FAM53B: variants seen among roughly 807,000 people sequenced by gnomAD.
FAM53B encodes family with sequence similarity 53 member B.
FAM53B carries 12 observed loss-of-function variants against 32.7 expected under a neutral mutation model. The ratio of observed to expected loss-of-function variants is 0.37; its 90% CI spans 0.24 to 0.59. FAM53B has a LOEUF of 0.59. Ranked by LOEUF, FAM53B falls within the 20% of genes least tolerant of loss-of-function variation. The pLI is 0.72. For missense variants in FAM53B, 477 were observed against 577.7 expected, an observed-to-expected ratio of 0.83 and a Z score of 1.79; for synonymous variants, 234 against 228.7, an observed-to-expected ratio of 1.02 and a Z score of -0.21.
intron 3 of FAM53B, among the ~76,000 whole-genome samples, chr10:124,693,655 T>C (rs1384160386): frequency 6.6e-6 from 1 of 152,004 alleles, no homozygotes; most frequent in South Asian, 2.1e-4. Flanking sequence ...AGGAAAGGGA[T>C]AGAGGTGGGA....
rs34335631 is a variant in FAM53B, at chr10:124,682,577, TG to T, written c.134-199del. 6.6e-6 allele frequency among the ~76,000 whole-genome samples: 1 copy of T among 152,144 alleles called. No homozygotes were observed. The highest frequency in any genetic ancestry group is 1.5e-5 in the Non-Finnish European group (1 of 68,012). ...AGAAGTGAATCCCAAGGCTTTGAGT[TG>T]GAAGTTGGAAGCAGAGCAGGGCCTA... On this transcript the variant is annotated intron_variant, in intron 3 of 4. Transcript: ENST00000337318. This position sits in a 1 kb window ranked among gnomAD's most constrained non-coding sequence, Gnocchi z 5.2.
At position 124,623,121 on chromosome 10, in the gene FAM53B, C is replaced by G; in HGVS notation, c.*121G>C. 7.5e-7 allele frequency: 1 copy of G among 1,331,832 alleles called. No individual in the cohort carries two copies. Among genetic ancestry groups the G allele is most frequent in the Non-Finnish European group, 1.0e-6 (1 of 982,332 alleles). The allele number at this position is 1,331,832 out of a possible 1,614,324, so 82.5% of individuals were successfully genotyped here. Reference sequence around the variant, plus strand: ...GGTGGGCTCCCTCTCTGGGACCCGACACCACTCAGGAAGCTTTCATCAGGC... The same window carrying G: ...GGTGGGCTCCCTCTCTGGGACCCGAGACCACTCAGGAAGCTTTCATCAGGC... On this transcript the variant is annotated 3_prime_UTR_variant, in exon 5 of 5. Coordinates refer to ENST00000337318, the MANE Select transcript of FAM53B (RefSeq NM_014661.4).
intron 4 of FAM53B, among the ~76,000 whole-genome samples, chr10:124,642,463 C>T (rs2134045417): frequency 6.6e-6 from 1 of 152,352 alleles, no homozygotes; most frequent in Middle Eastern, 3.4e-3. Context: ...CCAGATGTCA[C>T]CTTCTCAAGC....
intron 1 of FAM53B, among the ~76,000 whole-genome samples, chr10:124,720,325 G>A (rs1322874052): frequency 6.6e-6 from 1 of 152,100 alleles, no homozygotes; most frequent in Non-Finnish European, 1.5e-5. Flanking sequence ...AATTAGCCAG[G>A]CATGGTGGCA....
At chr10:124,631,375 CA>C (rs1949390170) in intron 4 of FAM53B, among the ~76,000 whole-genome samples, 1 of 152,214 alleles carries the variant, frequency 6.6e-6, no homozygotes, top group African/African-American at 2.4e-5. Context: ...CCTAAAATCC[CA>C]GGCCTCTGAA....
At chr10:124,671,050 G>C (rs1214798264) in intron 4 of FAM53B, 8 of 425,652 alleles carry the variant, frequency 1.9e-5, no homozygotes, top group Middle Eastern at 4.4e-4. Flanking sequence ...GTTAGACAGC[G>C]CTTAACTGAA....
At chr10:124,724,631 C>G (rs1229654053) in intron 1 of FAM53B, among the ~76,000 whole-genome samples, 1 of 152,280 alleles carries the variant, frequency 6.6e-6, no homozygotes, top group East Asian at 1.9e-4. Flanking sequence ...GAGGTCGTCC[C>G]AAACCTCCCT....
chr10:124,626,737 C>T (rs1280040570), intron 4 of FAM53B, among the ~76,000 whole-genome samples: 1 of 152,248 alleles, frequency 6.6e-6, no homozygotes, highest in East Asian at 1.9e-4. Flanking sequence ...ACTGGAGACC[C>T]ATTAGCTAGA....
At chr10:124,715,924 T>C (rs571878566) in intron 1 of FAM53B, among the ~76,000 whole-genome samples, 6 of 152,318 alleles carry the variant, frequency 3.9e-5, no homozygotes, top group Admixed American at 3.3e-4. Flanking sequence ...CATAGGCCCT[T>C]ATTAAATGCT....
At chr10:124,686,022 CT>C (rs1400626957) in intron 3 of FAM53B, among the ~76,000 whole-genome samples, 1 of 152,174 alleles carries the variant, frequency 6.6e-6, no homozygotes, top group Non-Finnish European at 1.5e-5. Flanking sequence ...ATCAAACCTC[CT>C]ACGACAGTGG....
chr10:124,681,738 G>A lies in FAM53B; in HGVS notation c.775C>T (p.Arg259Cys), dbSNP rs779220632. 19 of 1,610,132 alleles carry A rather than the reference G, an allele frequency of 1.2e-5. No individual in the cohort carries two copies. Among genetic ancestry groups the A allele is most frequent in the Admixed American group, 1.7e-5 (1 of 59,348 alleles). ...TPASTPELAR[R>C]SSGLSRSRSQ... ...CGGCTGCGGGAAAGGCCGCTGGAGC[G>A]TCTCGCCAGCTCTGGTGTTGAGGCA... The change falls in exon 4 of 5, where the codon CGC (arginine) becomes TGC (cysteine). Residue 259 changes from arginine to cysteine, a missense_variant. Around this residue, in one of 2 missense-constraint regions of FAM53B, gnomAD observed 312 missense variants for 420.2 expected, o/e 0.74. Coordinates refer to ENST00000337318, the MANE Select transcript of FAM53B (RefSeq NM_014661.4).
intron 4 of FAM53B, among the ~76,000 whole-genome samples, chr10:124,666,782 G>A (rs953364196): frequency 1.3e-5 from 2 of 152,232 alleles, no homozygotes; most frequent in African/African-American, 2.4e-5. Flanking sequence ...TCCCGGACCA[G>A]CCCCACGAGG....
intron 2 of FAM53B, among the ~76,000 whole-genome samples, chr10:124,702,032 CAT>C (rs1367539221): frequency 3.3e-5 from 5 of 152,218 alleles, no homozygotes; most frequent in Non-Finnish European, 7.3e-5. Context: ...TCCAGTGCCA[CAT>C]GACACCCAGG....
At chr10:124,655,222 C>A (rs1949580987) in intron 4 of FAM53B, among the ~76,000 whole-genome samples, 1 of 152,168 alleles carries the variant, frequency 6.6e-6, no homozygotes, top group East Asian at 1.9e-4. Flanking sequence ...AGCTTCAGGA[C>A]ATTCTCATCT....
intron 4 of FAM53B, among the ~76,000 whole-genome samples, chr10:124,672,990 G>A (rs188966539): frequency 3.9e-5 from 6 of 152,282 alleles, no homozygotes; most frequent in Admixed American, 3.3e-4. Flanking sequence ...ACACTAAACA[G>A]GGTAGCTTAA....
intron 1 of FAM53B, among the ~76,000 whole-genome samples, chr10:124,719,083 G>A (rs1044035355): frequency 6.6e-5 from 10 of 151,930 alleles, no homozygotes; most frequent in African/African-American, 2.4e-4. Flanking sequence ...GGAAGAAGAC[G>A]AAGAAAGGCT....
intron 4 of FAM53B, among the ~76,000 whole-genome samples, chr10:124,630,766 A>C (rs1949386102): frequency 6.6e-6 from 1 of 152,174 alleles, no homozygotes; most frequent in African/African-American, 2.4e-5. Flanking sequence ...GTTACTAGGA[A>C]AGTTCCCACC....
intron 4 of FAM53B, among the ~76,000 whole-genome samples, chr10:124,663,618 G>C (rs187349023): frequency 1.3e-5 from 2 of 152,324 alleles, no homozygotes; most frequent in African/African-American, 2.4e-5. Flanking sequence ...TGATCCGGCA[G>C]GTCTGGGGTG....
At chr10:124,714,482 C>T (rs1002284674) in intron 1 of FAM53B, among the ~76,000 whole-genome samples, 5 of 152,232 alleles carry the variant, frequency 3.3e-5, no homozygotes, top group African/African-American at 7.2e-5. Context: ...AACCTCTTGC[C>T]GGGCGTGGTG....
Sources: allele counts gnomAD v4.1 joint callset (sites outside exome capture counted in the v4.1 genomes callset), GRCh38; gene constraint gnomAD v4.1.1; regional missense constraint gnomAD v4.1.1; non-coding constraint Gnocchi (gnomAD v3.1); transcripts MANE v1.5; gene names NCBI Gene and HGNC (gene_info 2026-07-23, HGNC 2026-07-21).